The following FBRSL1 variants were observed in gnomAD, a reference collection of about 807,000 sequenced individuals.
FBRSL1 encodes the protein fibrosin-1-like protein.
FBRSL1 carries 51 observed loss-of-function variants against 89.6 expected under a neutral mutation model. The observed-to-expected ratio is 0.57, with a 90% CI of 0.45 to 0.72. The LOEUF is 0.72. FBRSL1 is among the 30% of genes least tolerant of loss of function. The pLI is 0.00. For missense variants in FBRSL1, 1,618 were observed against 1,451.8 expected, an observed-to-expected ratio of 1.11 and a Z score of -1.86; for synonymous variants, 779 against 681.1, an observed-to-expected ratio of 1.14 and a Z score of -2.24.
Position 132,499,793 on chromosome 12 carries a change from T to A in FBRSL1, c.292-8360T>A, listed in dbSNP as rs1194224521. 2.0e-5 allele frequency among the ~76,000 whole-genome samples: 3 copies of A among 151,702 alleles called. No individual in the cohort carries two copies. The highest frequency in any genetic ancestry group is 2.0e-4 in the Admixed American group (3 of 15,248). The stretch of plus-strand genomic sequence containing the variant: ...CTCTGGGGACTCAGGGCAAATGGGG[T>A]ACTTGGTTCCACGTACCTGTGGAGG... On this transcript the variant is annotated intron_variant, in intron 1 of 18. Transcript: ENST00000680143. This position sits in a 1 kb window ranked among gnomAD's most constrained non-coding sequence, Gnocchi z 4.3.
At chr12:132,493,301 A>G (rs2031414503) in intron 1 of FBRSL1, among the ~76,000 whole-genome samples, 1 of 151,940 alleles carries the variant, frequency 6.6e-6, no homozygotes, top group Non-Finnish European at 1.5e-5. Flanking sequence ...GGCTCTTCCT[A>G]CTCTGGGATG....
intron 4 of FBRSL1, among the ~76,000 whole-genome samples, chr12:132,539,019 C>A (rs989886896): frequency 6.6e-6 from 1 of 151,964 alleles, no homozygotes; most frequent in African/African-American, 2.4e-5. Flanking sequence ...CAGTCACCCC[C>A]GGTCTGTGCC....
At chr12:132,530,142 C>T (rs2036141893) in intron 4 of FBRSL1, among the ~76,000 whole-genome samples, 1 of 151,694 alleles carries the variant, frequency 6.6e-6, no homozygotes, top group Non-Finnish European at 1.5e-5. Context: ...TATGATGACG[C>T]TCCTCCGCCC....
At chr12:132,573,921 A>T (rs1156615683) in intron 11 of FBRSL1, among the ~76,000 whole-genome samples, 169 bp from the exon 12 acceptor site, 1 of 152,112 alleles carries the variant, frequency 6.6e-6, no homozygotes, top group Non-Finnish European at 1.5e-5. Flanking sequence ...TGGCGGGCCA[A>T]AAGTGTGGTG....
chr12:132,513,969 C>T (rs2034601570), intron 2 of FBRSL1, among the ~76,000 whole-genome samples: 1 of 152,176 alleles, frequency 6.6e-6, no homozygotes, highest in Non-Finnish European at 1.5e-5. Context: ...CGTCCGAGGG[C>T]CCCGTCTCTC....
At chr12:132,522,069 G>A (rs1319688767) in intron 2 of FBRSL1, among the ~76,000 whole-genome samples, 4 of 152,146 alleles carry the variant, frequency 2.6e-5, no homozygotes, top group Admixed American at 1.3e-4. Context: ...GTGGGTCTGC[G>A]TGGGTCTCTG....
chr12:132,556,289 T>C (rs1358776588), intron 5 of FBRSL1, among the ~76,000 whole-genome samples: 1 of 152,138 alleles, frequency 6.6e-6, no homozygotes, highest in Non-Finnish European at 1.5e-5. Flanking sequence ...ACCACAGCCT[T>C]GCTCAGAGAG....
chr12:132,569,841 C>G, intron 6 of FBRSL1, 85 bp from the exon 7 acceptor site: 1 of 1,071,746 alleles, frequency 9.3e-7, no homozygotes, highest in East Asian at 3.3e-5. Flanking sequence ...GCCTGGGCAC[C>G]GGGCACGTAC....
chr12:132,525,950 T>C, intron 3 of FBRSL1, 127 bp downstream of exon 3: 2 of 749,190 alleles, frequency 2.7e-6, no homozygotes, highest in Non-Finnish European at 4.3e-6. Context: ...GGGCGTCCAG[T>C]CCGAGTCTGG....
At chr12:132,545,281 G>A (rs1299364460) in intron 4 of FBRSL1, among the ~76,000 whole-genome samples, 1 of 152,230 alleles carries the variant, frequency 6.6e-6, no homozygotes, top group East Asian at 1.9e-4. Flanking sequence ...CAGCCCCGGC[G>A]CCGTGAATGG....
At chr12:132,519,024 TAGA>T (rs1296292928) in intron 2 of FBRSL1, among the ~76,000 whole-genome samples, 2 of 152,244 alleles carry the variant, frequency 1.3e-5, no homozygotes, top group African/African-American at 2.4e-5. Flanking sequence ...TGAATCACAA[TAGA>T]AGAAGGTGGA....
chr12:132,535,240 G>A (rs565889302), intron 4 of FBRSL1, among the ~76,000 whole-genome samples: 41 of 152,322 alleles, frequency 2.7e-4, no homozygotes, highest in African/African-American at 8.9e-4. Context: ...TAATACGGTC[G>A]GCTCCAAGAA....
chr12:132,500,056 A>C (rs759183128), intron 1 of FBRSL1, among the ~76,000 whole-genome samples: 42 of 152,084 alleles, frequency 2.8e-4, no homozygotes, highest in Non-Finnish European at 5.6e-4. Flanking sequence ...ATGTACGTGC[A>C]CCCGGGACCC....
intron 1 of FBRSL1, among the ~76,000 whole-genome samples, chr12:132,497,069 G>T (rs533394525): frequency 6.6e-6 from 1 of 152,348 alleles, no homozygotes; most frequent in East Asian, 1.9e-4. Context: ...CCTGTTTCTA[G>T]TAAAGTTAGT....
At position 132,583,758 on chromosome 12, in the gene FBRSL1, C is replaced by G; in HGVS notation, c.2989C>G (p.Pro997Ala). 6.6e-6 allele frequency: 8 copies of G among 1,217,810 alleles called. No homozygotes were observed. The highest frequency in any genetic ancestry group is 8.2e-6 in the Non-Finnish European group (8 of 978,874). The allele number at this position is 1,217,810 out of a possible 1,614,324, so 75.4% of individuals were successfully genotyped here. A position where few individuals can be genotyped will look rare whatever the true frequency, so the allele number is the denominator to read the frequency against. ...CGACTACTCCCCGTCCCGAAATCCC[C>G]CGGAGGTGGAGGCGCGGTAGCCCCG... ...ARDYSPSRNP[P>A]EVEAR Residue 997 changes from proline (P) to alanine (A), a missense_variant, in exon 19 of 19, where the codon CCG becomes GCG. Physicochemically the swap from Pro to Ala is conservative, Grantham distance 27 (BLOSUM62 -1). Coordinates refer to ENST00000680143, the MANE Select transcript of FBRSL1 (RefSeq NM_001367871.1).
intron 5 of FBRSL1, among the ~76,000 whole-genome samples, chr12:132,562,738 G>A (rs952348642): frequency 4.6e-5 from 7 of 152,078 alleles, no homozygotes; most frequent in African/African-American, 1.5e-4. Context: ...CCCTTCCGGC[G>A]CGTGTGGGTG....
chr12:132,566,198 TCCG>T (rs2039600502), intron 5 of FBRSL1: 1 of 151,996 alleles, frequency 6.6e-6, no homozygotes, highest in Non-Finnish European at 1.5e-5. Context: ...AGGGTGCCTC[TCCG>T]CTGCGTCCTC....
chr12:132,537,817 T>C (rs1257807244), intron 4 of FBRSL1, among the ~76,000 whole-genome samples: 5 of 152,180 alleles, frequency 3.3e-5, no homozygotes, highest in East Asian at 1.9e-4. Context: ...GTGGACCCCA[T>C]GGATCCTTGG....
At position 132,576,944 on chromosome 12, in the gene FBRSL1, T is replaced by A; in HGVS notation, c.1834+13T>A. Reference sequence around the variant, plus strand: ...TTCCCCAGCACAGGTGAGACTGGAGTCGGGCCAGGTGGGGGGCACAGAAAC... The same window carrying A: ...TTCCCCAGCACAGGTGAGACTGGAGACGGGCCAGGTGGGGGGCACAGAAAC... On this transcript the variant is annotated intron_variant, in intron 15 of 18. Coordinates refer to ENST00000680143, the MANE Select transcript of FBRSL1 (RefSeq NM_001367871.1). The A allele has an allele frequency of 6.5e-7, 1 of 1,541,622 alleles. No homozygotes were observed. Among genetic ancestry groups the A allele is most frequent in the Non-Finnish European group, 8.8e-7 (1 of 1,142,048 alleles).
Sources: allele counts gnomAD v4.1 joint callset (sites outside exome capture counted in the v4.1 genomes callset), GRCh38; gene constraint gnomAD v4.1.1; non-coding constraint Gnocchi (gnomAD v3.1); transcripts MANE v1.5; gene names NCBI Gene and HGNC (gene_info 2026-07-23, HGNC 2026-07-21).